DACH1: variants seen among roughly 807,000 people sequenced by gnomAD.
DACH1 encodes the protein dachshund homolog 1.
In DACH1, 12 loss-of-function variants were observed where a neutral mutation model predicts 54.2. The ratio of observed to expected loss-of-function variants is 0.22; its 90% CI spans 0.14 to 0.36. The LOEUF (loss-of-function observed/expected upper bound fraction) is 0.36. DACH1 is among the 10% of genes least tolerant of loss of function. DACH1 has a pLI of 1.00. For synonymous variants in DACH1, 386 were observed against 366.2 expected, an observed-to-expected ratio of 1.05 and a Z score of -0.62; for missense variants, 805 against 929.8, an observed-to-expected ratio of 0.87 and a Z score of 1.75.
chr13:71,556,082 CT>C (rs1884230940), intron 6 of DACH1, among the ~76,000 whole-genome samples: 1 of 152,006 alleles, frequency 6.6e-6, no homozygotes, highest in African/African-American at 2.4e-5. Context: ...TGTGAGTAGT[CT>C]TTTTGGTGGG....
intron 2 of DACH1, among the ~76,000 whole-genome samples, chr13:71,641,093 A>T (rs1877863619): frequency 6.6e-6 from 1 of 152,028 alleles, no homozygotes; most frequent in Non-Finnish European, 1.5e-5. Flanking sequence ...CTATTTTTAC[A>T]TGTAAGTCTT....
At chr13:71,585,355 T>C (rs1053617524) in intron 3 of DACH1, among the ~76,000 whole-genome samples, 6 of 152,202 alleles carry the variant, frequency 3.9e-5, no homozygotes, top group African/African-American at 1.4e-4. Flanking sequence ...GTAAAGACTT[T>C]GCTGAGGATG....
intron 1 of DACH1, among the ~76,000 whole-genome samples, chr13:71,748,898 C>CTCTTTCTT (rs796904876): frequency 5.3e-4 from 21 of 39,610 alleles, no homozygotes; most frequent in Admixed American, 1.0e-3. Flanking sequence ...TTCTTTCTTT[C>CTCTTTCTT]TCTTTCTTTC....
intron 10 of DACH1, among the ~76,000 whole-genome samples, chr13:71,457,522 C>A (rs1025177991): frequency 1.3e-5 from 2 of 151,662 alleles, no homozygotes; most frequent in East Asian, 3.9e-4. Context: ...CTTTCTAACT[C>A]CCACGAAAAA....
Position 71,557,176 on chromosome 13 carries a change from A to C in DACH1, c.1436-18T>G, listed in dbSNP as rs756060598. On this transcript the variant is annotated intron_variant, in intron 5 of 10. Coordinates refer to ENST00000613252, the MANE Select transcript of DACH1 (RefSeq NM_080759.6). ...ATGGACCGCTATTATGGCCCAAAAG[A>C]AAACAAACAAAACAAAACACAAAAA... 3 of 1,587,186 alleles carry C rather than the reference A, an allele frequency of 1.9e-6. No homozygotes were observed. Among genetic ancestry groups the C allele is most frequent in the Non-Finnish European group, 2.6e-6 (3 of 1,170,406 alleles).
In DACH1 at chr13:71,835,459, T is replaced by C. The variant is rs141832551; in HGVS notation, c.848+30463A>G. Among the ~76,000 whole-genome samples, 787 of 152,220 alleles carry C rather than the reference T, an allele frequency of 5.2e-3. 4 individuals carry two copies. The highest frequency in any genetic ancestry group is 0.016 in the African/African-American group (675 of 41,562). On this transcript the variant is annotated intron_variant, in intron 1 of 10. Coordinates refer to ENST00000613252, the MANE Select transcript of DACH1 (RefSeq NM_080759.6). Reference sequence around the variant, plus strand: ...CAACAAGGGTAAGAATCCTGTTCTCTTGGCCTGCCTCCAAGTAAGGTAATT... The same window carrying C: ...CAACAAGGGTAAGAATCCTGTTCTCCTGGCCTGCCTCCAAGTAAGGTAATT...
intron 2 of DACH1, among the ~76,000 whole-genome samples, chr13:71,648,892 A>G (rs936135275): frequency 1.3e-5 from 2 of 152,166 alleles, no homozygotes; most frequent in Non-Finnish European, 2.9e-5. Context: ...AGGAGATGCC[A>G]CTACTTGTTC....
chr13:71,851,033 A>G (rs1873623879), intron 1 of DACH1, among the ~76,000 whole-genome samples: 1 of 152,224 alleles, frequency 6.6e-6, no homozygotes, highest in African/African-American at 2.4e-5. Context: ...GTCCATGAGT[A>G]TGCTTACGAT....
intron 6 of DACH1, among the ~76,000 whole-genome samples, chr13:71,554,021 C>T (rs1369762035): frequency 1.3e-5 from 2 of 151,774 alleles, no homozygotes; most frequent in East Asian, 1.9e-4. Context: ...TAAAATGTAA[C>T]GAACATACAA....
chr13:71,493,829 TAA>T (rs939733433), intron 6 of DACH1, among the ~76,000 whole-genome samples: 3 of 152,162 alleles, frequency 2.0e-5, no homozygotes, highest in Non-Finnish European at 4.4e-5. Flanking sequence ...TTAGAAATTT[TAA>T]AAGTTTTAAA....
At chr13:71,537,837 T>G (rs1214832243) in intron 6 of DACH1, among the ~76,000 whole-genome samples, 1 of 152,168 alleles carries the variant, frequency 6.6e-6, no homozygotes, top group Admixed American at 6.6e-5. Context: ...AGCTGCTCAA[T>G]GAATATTTTC....
chr13:71,841,553 A>C (rs1486910331), intron 1 of DACH1, among the ~76,000 whole-genome samples: 2 of 152,162 alleles, frequency 1.3e-5, no homozygotes, highest in Non-Finnish European at 2.9e-5. Flanking sequence ...ACCATAAATA[A>C]ACTGTGAAAT....
intron 1 of DACH1, among the ~76,000 whole-genome samples, chr13:71,697,645 T>G (rs2138740908): frequency 6.6e-6 from 1 of 152,342 alleles, no homozygotes; most frequent in East Asian, 1.9e-4. Flanking sequence ...TAATTTATAC[T>G]TTTACAATGA....
Position 71,634,396 on chromosome 13 carries a change from G to A in DACH1, c.965-3679C>T, listed in dbSNP as rs140387695. ...TATCTGTATGTATTCCTGCTCCTCC[G>A]GCTCCCCCTTGCTCTCTGTGCTCCA... On this transcript the variant is annotated intron_variant, in intron 2 of 10. Coordinates refer to ENST00000613252, the MANE Select transcript of DACH1 (RefSeq NM_080759.6). 4.9e-3 allele frequency among the ~76,000 whole-genome samples: 750 copies of A among 152,054 alleles called. 6 individuals are homozygous for A. Among genetic ancestry groups the A allele is most frequent in the African/African-American group, 0.016 (649 of 41,456 alleles).
At position 71,537,702 on chromosome 13, in the gene DACH1, T is replaced by A. The variant is rs564298822; in HGVS notation, c.1570+19322A>T. 7.2e-5 allele frequency among the ~76,000 whole-genome samples: 11 copies of A among 152,244 alleles called. No individual in the cohort carries two copies. The South Asian group carries it at 2.3e-3, about 32-fold the overall frequency. ...TCTTGAAAATATTGTAGTTTTTAGA[T>A]TTATCACACTAAACTTCAATTTTGT... On this transcript the variant is annotated intron_variant, in intron 6 of 10. Transcript: ENST00000613252.
At chr13:71,563,646 G>C (rs1407271417) in intron 4 of DACH1, among the ~76,000 whole-genome samples, 2 of 151,522 alleles carry the variant, frequency 1.3e-5, no homozygotes, top group Non-Finnish European at 3.0e-5. Context: ...TCTTAAAAAG[G>C]CATATTATAC....
chr13:71,756,143 GC>G (rs1189005430), intron 1 of DACH1, among the ~76,000 whole-genome samples: 1 of 151,892 alleles, frequency 6.6e-6, no homozygotes, highest in East Asian at 1.9e-4. Context: ...CAATTCTCCT[GC>G]CTCAGTCTCC....
At chr13:71,819,466 T>C (rs1888102634) in intron 1 of DACH1, among the ~76,000 whole-genome samples, 1 of 151,984 alleles carries the variant, frequency 6.6e-6, no homozygotes, top group African/African-American at 2.4e-5. Flanking sequence ...GCCTCTCTCC[T>C]TTCATTTTAT....
intron 1 of DACH1, among the ~76,000 whole-genome samples, chr13:71,859,794 C>A (rs1288396824): frequency 6.6e-6 from 1 of 151,824 alleles, no homozygotes; most frequent in African/African-American, 2.4e-5. Context: ...GAAGTCATTC[C>A]TGTATGTGAC....
Sources: allele counts gnomAD v4.1 joint callset (sites outside exome capture counted in the v4.1 genomes callset), GRCh38; gene constraint gnomAD v4.1.1; transcripts MANE v1.5; gene names NCBI Gene and HGNC (gene_info 2026-07-23, HGNC 2026-07-21).